Variants in ETV3L observed in about 807,000 individuals in gnomAD.
ETV3L encodes the protein ETS translocation variant 3-like protein.
In ETV3L, 30 loss-of-function variants were observed where a neutral mutation model predicts 27.6. The observed-to-expected ratio is 1.09, with a 90% confidence interval of 0.81 to 1.48. ETV3L has a LOEUF of 1.48. Among genes scored for constraint, ETV3L ranks in the 40% most tolerant of loss-of-function variants. The pLI is 0.00. For synonymous variants in ETV3L, 186 were observed against 188.9 expected, an observed-to-expected ratio of 0.98 and a Z score of 0.12; for missense variants, 443 against 455.6, an observed-to-expected ratio of 0.97 and a Z score of 0.25.
chr1:157,098,641 G>C, intron 3 of ETV3L, 65 bp downstream of exon 3: 1 of 1,429,638 alleles, frequency 7.0e-7, no homozygotes. Context: ...GGAGGGTGGG[G>C]AGCCTCCTGG....
At chr1:157,097,472 A>AC (rs1367433415) in intron 4 of ETV3L, among the ~76,000 whole-genome samples, 6 of 50,102 alleles carry the variant, frequency 1.2e-4, no homozygotes, top group Non-Finnish European at 2.7e-4. Flanking sequence ...CTCCGTCTCA[A>AC]AAAAAAAAAA....
At chr1:157,098,258 A>C (rs1461029982) in intron 3 of ETV3L, among the ~76,000 whole-genome samples, 2 of 152,112 alleles carry the variant, frequency 1.3e-5, no homozygotes, top group East Asian at 3.9e-4. Context: ...CACCATGCCC[A>C]GCTACTTTTA....
Position 157,092,625 on chromosome 1 carries a change from C to A in ETV3L, c.*24G>T. 1 of 1,563,100 alleles carries A rather than the reference C, an allele frequency of 6.4e-7. No homozygotes were observed. The highest frequency in any genetic ancestry group is 1.2e-5 in the South Asian group (1 of 82,776). On this transcript the variant is annotated 3_prime_UTR_variant, in exon 5 of 5. Coordinates refer to ENST00000454449, the MANE Select transcript of ETV3L (RefSeq NM_001004341.2). Reference sequence around the variant, plus strand: ...GAGATGGACTTTGGAGGACTCCTCCCCAACTTCCCACCTTCCTCTCTAGTT... The same window carrying A: ...GAGATGGACTTTGGAGGACTCCTCCACAACTTCCCACCTTCCTCTCTAGTT...
chr1:157,097,816 CT>C, intron 4 of ETV3L, 51 bp downstream of exon 4: 1 of 1,606,094 alleles, frequency 6.2e-7, no homozygotes, highest in Admixed American at 1.7e-5. Context: ...CAGGAGGGCC[CT>C]CCCTCCTCTG....
rs1380988701 is a variant in ETV3L at position 157,099,474 on chromosome 1, C to T, written c.50G>A (p.Trp17Ter). 1 of 1,613,708 alleles carries T rather than the reference C, an allele frequency of 6.2e-7. No homozygotes were observed. The highest frequency in any genetic ancestry group is 8.5e-7 in the Non-Finnish European group (1 of 1,179,922). The change falls in exon 1 of 5, where the codon TGG (tryptophan) becomes TAG (stop). Residue 17 changes from tryptophan to a stop codon, truncating the protein, a stop_gained. Transcript: ENST00000454449. LOFTEE classifies it high-confidence loss of function. ...AEGIPANPGN[W>*]ISGLAFPDWA... ...CCGGCCAAGAGGCTCACCTGAGATC[C>T]AGTTGCCGGGGTTGGCTGGGATGCC...
Position 157,098,694 on chromosome 1 carries a change from C to A in ETV3L, c.486+12G>T. ...GGTGGAGCCCTGAGACAGGGGCCAC[C>A]TCCGCTCTTACCTCACTCTGCACAC... is the stretch of plus-strand genomic sequence containing the variant. On this transcript the variant is annotated intron_variant, in intron 3 of 4. Transcript: ENST00000454449. 5 of 1,574,380 alleles carry A rather than the reference C, an allele frequency of 3.2e-6. No individual in the cohort carries two copies. The highest frequency in any genetic ancestry group is 4.3e-6 in the Non-Finnish European group (5 of 1,160,758).
chr1:157,095,579 G>A (rs1260197056), intron 4 of ETV3L, among the ~76,000 whole-genome samples: 2 of 148,994 alleles, frequency 1.3e-5, no homozygotes, highest in African/African-American at 4.9e-5. Context: ...CTATCCACCT[G>A]GAGAGGGAAC....
In ETV3L at chr1:157,099,212, C is replaced by A; in HGVS notation, c.225G>T (p.Glu75Asp). 1.2e-6 allele frequency: 2 copies of A among 1,613,874 alleles called. No individual in the cohort carries two copies. Among genetic ancestry groups the A allele is most frequent in the South Asian group, 1.1e-5 (1 of 91,076 alleles). The change falls in exon 2 of 5, where the codon GAG becomes GAT. Residue 75 changes from glutamate (E) to aspartate (D), a missense_variant. Transcript: ENST00000454449. Reference sequence around the variant, plus strand: ...TCCTGCGGCCCCAGAGGCGGGCCACCTCATCTGGATCCTTGATGACAAATT... The same window carrying A: ...TCCTGCGGCCCCAGAGGCGGGCCACATCATCTGGATCCTTGATGACAAATT... ...YGEFVIKDPD[E>D]VARLWGRRKC...
At chr1:157,094,321 C>A (rs1674180023) in intron 4 of ETV3L, among the ~76,000 whole-genome samples, 1 of 152,166 alleles carries the variant, frequency 6.6e-6, no homozygotes, top group African/African-American at 2.4e-5. Context: ...GTATGGGGAG[C>A]CCCAGCCTCC....
intron 4 of ETV3L, among the ~76,000 whole-genome samples, chr1:157,097,328 C>T (rs144677628): frequency 1.9e-3 from 289 of 151,726 alleles, no homozygotes; most frequent in African/African-American, 6.4e-3. Flanking sequence ...CAAAAATTAG[C>T]TGGGCGTGGT....
At position 157,098,865 on chromosome 1, in the gene ETV3L, C is replaced by T. The variant is rs758920690; in HGVS notation, c.327G>A (p.Lys109=). 1.2e-6 allele frequency: 2 copies of T among 1,613,642 alleles called. No homozygotes were observed. Among genetic ancestry groups the T allele is most frequent in the Non-Finnish European group, 1.7e-6 (2 of 1,179,846 alleles). Residue 109 remains lysine (K), a synonymous_variant, in exon 3 of 5, where the codon AAG becomes AAA. Transcript: ENST00000454449. ...RYYYNKRILH[K]TKGKRFTYKF... The stretch of plus-strand genomic sequence containing the variant: ...TGTATGTGAACCTTTTGCCTTTGGT[C>T]TTATGCAGGATCCTCTTATTGTAGT...
Position 157,092,837 on chromosome 1 carries a change from G to T in ETV3L, c.898C>A (p.Leu300Ile), listed in dbSNP as rs1293140856. Residue 300 changes from leucine to isoleucine, a missense_variant, in exon 5 of 5, where the codon CTT (leucine) becomes ATT (isoleucine). Physicochemically the swap from Leu to Ile is conservative, Grantham distance 5. Coordinates refer to ENST00000454449, the MANE Select transcript of ETV3L (RefSeq NM_001004341.2). ...AGLGQGAGER[L>I]WLLSLRPEGL... ...TCGGGCCTGAGGGACAAGAGCCAAA[G>T]CCTCTCACCCGCACCCTGTCCCAGC... 6.2e-7 allele frequency: 1 copy of T among 1,614,124 alleles called. No homozygotes were observed. The highest frequency in any genetic ancestry group is 1.3e-5 in the African/African-American group (1 of 75,046).
rs1674142391 is a variant in ETV3L, at chr1:157,092,853, C to G, written c.882G>C (p.Gln294His). The change falls in exon 5 of 5, where the codon CAG (glutamine) becomes CAC (histidine). Residue 294 changes from glutamine (Q) to histidine (H), a missense_variant. Physicochemically the swap from Gln to His is conservative, Grantham distance 24. Coordinates refer to ENST00000454449, the MANE Select transcript of ETV3L (RefSeq NM_001004341.2). ...AGAGCCAAAGCCTCTCACCCGCACC[C>G]TGTCCCAGCCCTGCCAAGAGAGGAA... is the stretch of plus-strand genomic sequence containing the variant. ...PGLPLLAGLGQGAGERLWLLS... is the reference protein window; with the variant it reads ...PGLPLLAGLGHGAGERLWLLS... 6.2e-7 allele frequency: 1 copy of G among 1,613,902 alleles called. No individual in the cohort carries two copies. Among genetic ancestry groups the G allele is most frequent in the African/African-American group, 1.3e-5 (1 of 74,938 alleles).
chr1:157,095,627 G>A (rs1479637669), intron 4 of ETV3L, among the ~76,000 whole-genome samples: 1 of 148,440 alleles, frequency 6.7e-6, no homozygotes, highest in African/African-American at 2.5e-5. Flanking sequence ...AAAGAGAGAA[G>A]CTCTCTGCCC....
chr1:157,099,103 A>C (rs369834258), intron 2 of ETV3L, 38 bp downstream of exon 2: 24 of 1,593,538 alleles, frequency 1.5e-5, no homozygotes, highest in African/African-American at 2.7e-5. Flanking sequence ...TTTCCTTGAA[A>C]TCCCCCCTCT....
chr1:157,098,809 T>G lies in ETV3L; in HGVS notation c.383A>C (p.Asn128Thr), dbSNP rs748521800. The change falls in exon 3 of 5, where the codon AAC becomes ACC. Residue 128 changes from asparagine (N) to threonine (T), a missense_variant. Asn to Thr is a moderately conservative substitution (Grantham distance 65). Coordinates refer to ENST00000454449, the MANE Select transcript of ETV3L (RefSeq NM_001004341.2). ...KFNFSKLIVVNYPLWEVRAPP... is the reference protein window; with the variant it reads ...KFNFSKLIVVTYPLWEVRAPP... ...CGCCCGCACTTCCCACAAAGGATAGTTGACTACGATGAGCTTGCTGAAGTT... is the reference window on the plus strand; with the variant it reads ...CGCCCGCACTTCCCACAAAGGATAGGTGACTACGATGAGCTTGCTGAAGTT... The G allele has an allele frequency of 6.2e-7, 1 of 1,614,068 alleles. No individual in the cohort carries two copies. The highest frequency in any genetic ancestry group is 1.3e-5 in the African/African-American group (1 of 74,950).
At chr1:157,097,084 C>T (rs1674238868) in intron 4 of ETV3L, among the ~76,000 whole-genome samples, 1 of 152,044 alleles carries the variant, frequency 6.6e-6, no homozygotes, top group Admixed American at 6.6e-5. Context: ...ATCCGTCCTG[C>T]TTGTTCCCAC....
intron 4 of ETV3L, among the ~76,000 whole-genome samples, chr1:157,097,275 C>T (rs1184247251): frequency 2.6e-5 from 4 of 151,864 alleles, no homozygotes; most frequent in African/African-American, 9.7e-5. Context: ...GAGTTTGAGA[C>T]CAGCCTGGCC....
At chr1:157,095,889 C>T (rs1674209524) in intron 4 of ETV3L, among the ~76,000 whole-genome samples, 2 of 152,176 alleles carry the variant, frequency 1.3e-5, no homozygotes, top group Non-Finnish European at 2.9e-5. Context: ...ATTCTTTGAC[C>T]TCTGCACAAG....
Sources: allele counts gnomAD v4.1 joint callset (sites outside exome capture counted in the v4.1 genomes callset), GRCh38; gene constraint gnomAD v4.1.1; transcripts MANE v1.5; gene names NCBI Gene and HGNC (gene_info 2026-07-23, HGNC 2026-07-21).